C9orf85: variants seen among roughly 807,000 people sequenced by gnomAD.
C9orf85 encodes the protein chromosome 9 open reading frame 85.
C9orf85 carries 16 observed loss-of-function variants against 14.9 expected under a neutral mutation model. That is an observed-to-expected ratio of 1.08 (90% CI 0.73 to 1.63). The LOEUF is 1.63. Among genes scored for constraint, C9orf85 ranks in the 40% most tolerant of loss-of-function variants. The pLI is 0.00. For synonymous variants in C9orf85, 45 were observed against 56.8 expected (o/e 0.79, Z 0.93); for missense variants, 172 against 186.1 (o/e 0.92, Z 0.44).
chr9:71,971,688 T>C, intron 3 of C9orf85, 70 bp downstream of exon 3: 1 of 1,120,208 alleles, frequency 8.9e-7, no homozygotes, highest in Admixed American at 1.8e-5. Context: ...TAAGAGATGA[T>C]CCTTGCTAGG....
At chr9:71,946,928 C>A in intron 1 of C9orf85, 78 bp from the exon 2 acceptor site, 1 of 899,324 alleles carries the variant, frequency 1.1e-6, no homozygotes, top group Non-Finnish European at 1.8e-6. Flanking sequence ...AAACTTACAT[C>A]TCATACACTC....
intron 3 of C9orf85, among the ~76,000 whole-genome samples, chr9:71,980,553 A>G (rs1287122365): frequency 2.6e-5 from 4 of 152,156 alleles, no homozygotes; most frequent in Non-Finnish European, 1.5e-5. Flanking sequence ...ATGATTTTTA[A>G]AACTATATTA....
chr9:71,945,082 A>T (rs996608367), intron 1 of C9orf85, among the ~76,000 whole-genome samples: 3 of 152,212 alleles, frequency 2.0e-5, no homozygotes, highest in African/African-American at 7.2e-5. Context: ...TGTTATATAC[A>T]ATAAAATTGC....
rs185388866 is a variant in C9orf85 at position 71,948,378 on chromosome 9, A to G, written c.209+1266A>G. Among the ~76,000 whole-genome samples, 5 of 152,348 alleles carry G rather than the reference A, an allele frequency of 3.3e-5. No individual in the cohort carries two copies. In the East Asian group the frequency reaches 7.7e-4, roughly 23 times the overall value. ...TAAAATAATTTGTTTACTTCAAAAT[A>G]TTTGAACACTGAAAGGCAAAAGTGT... is the stretch of plus-strand genomic sequence containing the variant. On this transcript the variant is annotated intron_variant, in intron 2 of 3. Coordinates refer to ENST00000334731, the MANE Select transcript of C9orf85 (RefSeq NM_182505.5).
In C9orf85 at chr9:71,982,529, G is replaced by A. The variant is rs1049790783; in HGVS notation, c.324-128G>A. ...GAGCTTTGTGAGGACTCCACACTGA[G>A]GAGGCTCAAGATCCTCGCCAACACT... On this transcript the variant is annotated intron_variant, in intron 3 of 3. Coordinates refer to the C9orf85 transcript ENST00000377031. 5.8e-5 allele frequency: 20 copies of A among 343,058 alleles called. 1 individual carries two copies. Among genetic ancestry groups the A allele is most frequent in the African/African-American group, 1.4e-4 (6 of 43,968 alleles). The allele number at this position is 343,058 out of a possible 1,614,324, so 21.3% of individuals were successfully genotyped here.
intron 1 of C9orf85, among the ~76,000 whole-genome samples, chr9:71,935,595 C>T (rs1828169002): frequency 6.7e-6 from 1 of 149,594 alleles, no homozygotes; most frequent in African/African-American, 2.5e-5. Context: ...AGTTTGAGAT[C>T]AGCCAGGGCA....
Position 71,918,460 on chromosome 9 carries a change from T to C in C9orf85, c.102+6624T>C, listed in dbSNP as rs565356227. The C allele has an allele frequency of 2.5e-5, 32 of 1,303,290 alleles. No homozygotes were observed. The East Asian group carries it at 1.6e-3, about 63-fold the overall frequency. The allele number at this position is 1,303,290 out of a possible 1,614,324, so 80.7% of individuals were successfully genotyped here. ...CAAACTCTAGTCATGATGTTTGAGTTTGTCTCCCTGTGGAGCAGGGGTCCC... is the reference window on the plus strand; with the variant it reads ...CAAACTCTAGTCATGATGTTTGAGTCTGTCTCCCTGTGGAGCAGGGGTCCC... On this transcript the variant is annotated intron_variant, in intron 1 of 3. Coordinates refer to ENST00000334731, the MANE Select transcript of C9orf85 (RefSeq NM_182505.5).
chr9:71,913,871 C>T (rs1045202213), intron 1 of C9orf85, among the ~76,000 whole-genome samples: 1 of 132,224 alleles, frequency 7.6e-6, no homozygotes, highest in South Asian at 2.8e-4. Flanking sequence ...TTGCATTTGA[C>T]CATTTTTATC....
downstream of C9orf85, among the ~76,000 whole-genome samples, chr9:71,977,134 T>C (rs1336490055): frequency 6.6e-6 from 1 of 152,192 alleles, no homozygotes; most frequent in African/African-American, 2.4e-5. Context: ...TCTAGAATTC[T>C]TGTAAGATAA....
chr9:71,978,894 G>T (rs1000405366), intron 3 of C9orf85, among the ~76,000 whole-genome samples: 2 of 152,176 alleles, frequency 1.3e-5, no homozygotes, highest in African/African-American at 4.8e-5. Context: ...AATTAGCCGG[G>T]CGTGGAGGCG....
At chr9:71,938,905 CATACA>C (rs1040748517) in intron 1 of C9orf85, among the ~76,000 whole-genome samples, 3 of 151,372 alleles carry the variant, frequency 2.0e-5, no homozygotes, top group African/African-American at 7.3e-5. Context: ...GACTATAGTA[CATACA>C]ATAAAGACAT....
chr9:71,921,367 T>TA (rs557556595), intron 1 of C9orf85, among the ~76,000 whole-genome samples: 128 of 152,318 alleles, frequency 8.4e-4, no homozygotes, highest in African/African-American at 2.9e-3. Flanking sequence ...ACAACTCCTT[T>TA]ATCTAAAGGC....
downstream of C9orf85, among the ~76,000 whole-genome samples, chr9:71,975,495 A>T (rs1191307008): frequency 6.6e-6 from 1 of 151,764 alleles, no homozygotes; most frequent in Non-Finnish European, 1.5e-5. Context: ...TATCTTCACA[A>T]TTTGAAAGTC....
At chr9:71,968,285 T>A (rs1822754664) in intron 2 of C9orf85, among the ~76,000 whole-genome samples, 2 of 152,256 alleles carry the variant, frequency 1.3e-5, no homozygotes, top group South Asian at 4.1e-4. Flanking sequence ...TGTCTTGATA[T>A]TAGAGCCTTA....
In C9orf85 at chr9:71,938,385, C is replaced by T. The variant is rs560869138; in HGVS notation, c.103-8621C>T. Among the ~76,000 whole-genome samples, 60 of 152,074 alleles carry T rather than the reference C, an allele frequency of 3.9e-4. 1 individual carries two copies. The South Asian group carries it at 0.012, about 30-fold the overall frequency. ...CTCACTATCCAAATAATTATGTGTA[C>T]TCATTCTAAGTTTGGTCATTTTTTT... On this transcript the variant is annotated intron_variant, in intron 1 of 3. Coordinates refer to ENST00000334731, the MANE Select transcript of C9orf85 (RefSeq NM_182505.5).
intron 2 of C9orf85, among the ~76,000 whole-genome samples, chr9:71,970,309 A>G (rs952678249): frequency 2.0e-5 from 3 of 152,196 alleles, no homozygotes; most frequent in Non-Finnish European, 4.4e-5. Context: ...GGTCTGTCTT[A>G]GAGAATGTTC....
intron 1 of C9orf85, among the ~76,000 whole-genome samples, chr9:71,930,268 C>T (rs1828039502): frequency 1.3e-5 from 2 of 151,926 alleles, no homozygotes; most frequent in Non-Finnish European, 2.9e-5. Context: ...TGACCAGAAA[C>T]ATAAACAACC....
At chr9:71,940,826 G>T (rs1409670588) in intron 1 of C9orf85, among the ~76,000 whole-genome samples, 1 of 152,110 alleles carries the variant, frequency 6.6e-6, no homozygotes, top group East Asian at 1.9e-4. Flanking sequence ...TTTAATTGGT[G>T]AATTGAATAA....
intron 2 of C9orf85, among the ~76,000 whole-genome samples, chr9:71,970,436 A>T (rs1822828652): frequency 6.6e-6 from 1 of 152,150 alleles, no homozygotes; most frequent in South Asian, 2.1e-4. Flanking sequence ...ATATACTTCC[A>T]ATTCCTCCCG....
Sources: allele counts gnomAD v4.1 joint callset (sites outside exome capture counted in the v4.1 genomes callset), GRCh38; gene constraint gnomAD v4.1.1; transcripts MANE v1.5; gene names NCBI Gene and HGNC (gene_info 2026-07-23, HGNC 2026-07-21).